Variants in RYR2 observed in about 807,000 individuals in gnomAD.
The protein encoded by RYR2 is cardiac muscle ryanodine receptor-calcium release channel.
Under a neutral mutation model 601.1 loss-of-function variants are expected in RYR2, and 227 were observed. The ratio of observed to expected loss-of-function variants is 0.38; its 90% CI spans 0.34 to 0.42. The LOEUF (loss-of-function observed/expected upper bound fraction) is 0.42. Ranked by LOEUF, RYR2 falls within the 10% of genes least tolerant of loss-of-function variation. The pLI is 1.00. For synonymous variants in RYR2, 2,223 were observed against 2,175.1 expected, an observed-to-expected ratio of 1.02 and a Z score of -0.61; for missense variants, 4,646 against 6,156.5, an observed-to-expected ratio of 0.75 and a Z score of 8.21.
chr1:237,497,588 G>A (rs1001643405), intron 20 of RYR2, among the ~76,000 whole-genome samples: 1 of 152,132 alleles, frequency 6.6e-6, no homozygotes, highest in Non-Finnish European at 1.5e-5. Flanking sequence ...TTAGCATATG[G>A]AAGATGCAGA....
chr1:237,473,008 T>A (rs1232551672), intron 17 of RYR2, among the ~76,000 whole-genome samples: 9 of 151,868 alleles, frequency 5.9e-5, no homozygotes, highest in African/African-American at 1.9e-4. Flanking sequence ...CTTTTTTTTT[T>A]AAATTGCTTT....
intron 34 of RYR2, among the ~76,000 whole-genome samples, chr1:237,596,707 A>G (rs1477216167): frequency 1.1e-4 from 16 of 152,238 alleles, no homozygotes; most frequent in South Asian, 1.0e-3. Flanking sequence ...TTTCCAAGGC[A>G]CATTATAATC....
intron 1 of RYR2, among the ~76,000 whole-genome samples, chr1:237,247,144 A>T (rs930559252): frequency 3.3e-5 from 5 of 152,196 alleles, no homozygotes; most frequent in African/African-American, 1.2e-4. Context: ...CTGCCTTATA[A>T]ACCCTATAAT....
intron 23 of RYR2, among the ~76,000 whole-genome samples, chr1:237,507,070 A>C (rs1277396428): frequency 1.3e-5 from 2 of 152,242 alleles, no homozygotes; most frequent in Non-Finnish European, 2.9e-5. Flanking sequence ...GTCTGGGCTG[A>C]AAGTTATATT....
At chr1:237,189,823 A>T (rs954041193) in intron 1 of RYR2, among the ~76,000 whole-genome samples, 22 of 152,074 alleles carry the variant, frequency 1.4e-4, no homozygotes, top group African/African-American at 5.3e-4. Context: ...GCTAGATTGT[A>T]TGGTAGTTCT....
chr1:237,364,467 G>C (rs1700040279), intron 5 of RYR2, 95 bp downstream of exon 5: 1 of 581,788 alleles, frequency 1.7e-6, no homozygotes, highest in South Asian at 3.2e-5. Context: ...TAGTATAGCT[G>C]TATTATATAT....
intron 14 of RYR2, among the ~76,000 whole-genome samples, chr1:237,451,434 G>A (rs956216837): frequency 6.6e-6 from 1 of 151,996 alleles, no homozygotes; most frequent in East Asian, 1.9e-4. Context: ...TTAGCTGGAT[G>A]TGGTGGGCAT....
At chr1:237,055,907 TA>T (rs1454213215) in intron 1 of RYR2, among the ~76,000 whole-genome samples, 3 of 152,104 alleles carry the variant, frequency 2.0e-5, no homozygotes, top group African/African-American at 7.2e-5. Flanking sequence ...GGTGTGAAGA[TA>T]CACAGGGAGC....
At chr1:237,759,383 G>A (rs1038988752) in intron 82 of RYR2, among the ~76,000 whole-genome samples, 4 of 152,176 alleles carry the variant, frequency 2.6e-5, no homozygotes, top group African/African-American at 9.7e-5. Flanking sequence ...ACCACGCCCA[G>A]CCTGTAATGC....
At chr1:237,663,407 A>T (rs879371550) in intron 56 of RYR2, among the ~76,000 whole-genome samples, 1 of 152,214 alleles carries the variant, frequency 6.6e-6, no homozygotes, top group African/African-American at 2.4e-5. Context: ...TCATGTGTAG[A>T]TGTGATTCTG....
intron 29 of RYR2, among the ~76,000 whole-genome samples, chr1:237,576,128 G>C (rs1021133914): frequency 6.6e-6 from 1 of 152,076 alleles, no homozygotes; most frequent in East Asian, 1.9e-4. Flanking sequence ...TAAATGAGAG[G>C]TGTGTTATGT....
At chr1:237,469,850 TAC>T (rs1299352496) in intron 17 of RYR2, among the ~76,000 whole-genome samples, 4 of 152,238 alleles carry the variant, frequency 2.6e-5, no homozygotes, top group African/African-American at 4.8e-5. Flanking sequence ...GTCAACCCGA[TAC>T]ACACATCTCT....
chr1:237,793,979 G>A lies in RYR2; in HGVS notation c.13895G>A (p.Arg4632Lys), dbSNP rs1237619506. The A allele has an allele frequency of 6.2e-7, 1 of 1,611,712 alleles. No individual in the cohort carries two copies. The highest frequency in any genetic ancestry group is 1.1e-5 in the South Asian group (1 of 90,982). The change falls in exon 95 of 105, where the codon AGA (arginine) becomes AAA (lysine). Residue 4632 changes from arginine to lysine, a missense_variant. Coordinates refer to ENST00000366574, the MANE Select transcript of RYR2 (RefSeq NM_001035.3). ...SEDDIKGQWD[R>K]LVINTQSFPN... is the part of the protein sequence containing the mutation. The stretch of plus-strand genomic sequence containing the variant: ...GATGATATTAAAGGCCAGTGGGATA[G>A]ACTCGTAATCAACACACAGTGAGTA...
chr1:237,593,221 G>A (rs1267955496), intron 32 of RYR2, among the ~76,000 whole-genome samples: 1 of 152,082 alleles, frequency 6.6e-6, no homozygotes, highest in Non-Finnish European at 1.5e-5. Context: ...AAATCATTTA[G>A]CATGTTTGCT....
rs1306605678 is a variant in RYR2, at chr1:237,530,545, G to C, written c.2906+35G>C. On this transcript the variant is annotated intron_variant, in intron 25 of 104. Transcript: ENST00000366574. ...ATGACTAAGCAATATTAAATAATCT[G>C]TGTAGAGATTTAGTGCAACCAAATA... The C allele has an allele frequency of 2.1e-6, 3 of 1,454,732 alleles. No homozygotes were observed. The East Asian group carries it at 7.1e-5, about 34-fold the overall frequency. The allele number at this position is 1,454,732 out of a possible 1,614,324, so 90.1% of individuals were successfully genotyped here. A position where few individuals can be genotyped will look rare whatever the true frequency, so the allele number is the denominator to read the frequency against.
intron 1 of RYR2, among the ~76,000 whole-genome samples, chr1:237,051,292 C>CTG (rs1283260015): frequency 9.8e-5 from 12 of 122,244 alleles, no homozygotes; most frequent in Non-Finnish European, 1.5e-4. Context: ...TTCTCTCTCT[C>CTG]TCTCTCTCTC....
At chr1:237,640,556 A>G (rs1681363249) in intron 46 of RYR2, among the ~76,000 whole-genome samples, 1 of 152,184 alleles carries the variant, frequency 6.6e-6, no homozygotes, top group African/African-American at 2.4e-5. Context: ...AAATAGTCTA[A>G]GCTCACACGT....
chr1:237,539,383 C>T (rs1669009295), intron 25 of RYR2, among the ~76,000 whole-genome samples: 1 of 152,192 alleles, frequency 6.6e-6, no homozygotes, highest in Non-Finnish European at 1.5e-5. Context: ...TATGAAAGAG[C>T]AGTATCATAG....
At chr1:237,253,590 C>T (rs10925352) in intron 1 of RYR2, among the ~76,000 whole-genome samples, 135,539 of 152,258 alleles carry the variant, frequency 0.89, 62,040 homozygotes, top group Non-Finnish European at 0.99. Flanking sequence ...TTTCTCTTCA[C>T]AGTACCTGTG....
Sources: allele counts gnomAD v4.1 joint callset (sites outside exome capture counted in the v4.1 genomes callset), GRCh38; gene constraint gnomAD v4.1.1; transcripts MANE v1.5; gene names NCBI Gene and HGNC (gene_info 2026-07-23, HGNC 2026-07-21).